Variants in RGS3 observed in about 807,000 individuals in gnomAD.
RGS3 encodes the protein regulator of G protein signaling 3.
In RGS3, 80 loss-of-function variants were observed where a neutral mutation model predicts 132.6. The ratio of observed to expected loss-of-function variants is 0.60; its 90% CI spans 0.50 to 0.73. The LOEUF is 0.73. Among genes scored for constraint, RGS3 ranks in the 30% least tolerant of loss-of-function variants. RGS3 has a pLI of 0.00. For synonymous variants in RGS3, 598 were observed against 620.6 expected, an observed-to-expected ratio of 0.96 and a Z score of 0.54; for missense variants, 1,382 against 1,530.8, an observed-to-expected ratio of 0.90 and a Z score of 1.62.
chr9:113,570,231 G>A (rs894218986), intron 19 of RGS3: 7 of 152,202 alleles, frequency 4.6e-5, no homozygotes, highest in African/African-American at 1.7e-4. Context: ...CAGTGGGAGT[G>A]CCACTAGCGC....
intron 17 of RGS3, among the ~76,000 whole-genome samples, chr9:113,523,615 G>A (rs1028378267): frequency 1.3e-5 from 2 of 152,138 alleles, no homozygotes; most frequent in African/African-American, 2.4e-5. Flanking sequence ...ATGTGGGAGC[G>A]TGGAGGGAAT....
chr9:113,445,871 G>A lies in RGS3; in HGVS notation c.-13+944G>A, dbSNP rs549186877. 2.6e-4 allele frequency among the ~76,000 whole-genome samples: 39 copies of A among 152,208 alleles called. No individual in the cohort carries two copies. In the South Asian group the frequency reaches 7.9e-3, roughly 31 times the overall value. On this transcript the variant is annotated intron_variant, in intron 1 of 25. Coordinates refer to the RGS3 transcript ENST00000374140. ...TTTTTGTATTTTTAGTAGAGACAGG[G>A]TTTCTCCATGTTGGGCAGGTTGGAC...
intron 1 of RGS3, among the ~76,000 whole-genome samples, chr9:113,452,666 T>C (rs1464892442): frequency 6.6e-6 from 1 of 151,594 alleles, no homozygotes; most frequent in Non-Finnish European, 1.5e-5. Context: ...CAGTTAATAA[T>C]ATGTGTCTAT....
chr9:113,591,389 C>T lies in RGS3; in HGVS notation c.3072C>T (p.Ser1024=). 1 of 1,613,514 alleles carries T rather than the reference C, an allele frequency of 6.2e-7. No homozygotes were observed. Among genetic ancestry groups the T allele is most frequent in the Non-Finnish European group, 8.5e-7 (1 of 1,179,838 alleles). ...ACGAAGCCTCCCGGAAGAGAAAGAG[C>T]AAAAACCTGTACGTTGGGAAGATCC... Residue 1024 remains serine, a synonymous_variant, in exon 21 of 25, where the codon AGC becomes AGT. Coordinates refer to ENST00000350696, the Ensembl canonical transcript of RGS3. This position sits in a 1 kb window ranked among gnomAD's most constrained non-coding sequence, Gnocchi z 4.4.
rs948666946 is a variant in RGS3, at chr9:113,463,733, T to C, written c.415+1532T>C. ...CTCGCGCTCCTCCCGCCCTGGAGAC[T>C]CCGGTTACTGGGGAGCAACACAGCC... On this transcript the variant is annotated intron_variant, in intron 3 of 24. Coordinates refer to ENST00000350696, the Ensembl canonical transcript of RGS3. This position sits in a 1 kb window ranked among gnomAD's most constrained non-coding sequence, Gnocchi z 4.6. 4.8e-5 allele frequency: 73 copies of C among 1,518,768 alleles called. No individual in the cohort carries two copies. The highest frequency in any genetic ancestry group is 5.9e-5 in the Non-Finnish European group (67 of 1,134,130). The allele number at this position is 1,518,768 out of a possible 1,614,324, so 94.1% of individuals were successfully genotyped here.
chr9:113,495,628 A>G (rs762912802), intron 7 of RGS3, among the ~76,000 whole-genome samples, 158 bp from the exon 6 acceptor site: 2 of 152,166 alleles, frequency 1.3e-5, no homozygotes, highest in Admixed American at 6.5e-5. Flanking sequence ...GCTCCTCTCT[A>G]TCCTGCCTCA....
chr9:113,507,324 A>G lies in RGS3; in HGVS notation c.1123A>G (p.Met375Val), dbSNP rs753820589. Residue 375 changes from methionine (M) to valine (V), a missense_variant, in exon 13 of 25, where the codon ATG becomes GTG. Coordinates refer to ENST00000350696, the Ensembl canonical transcript of RGS3. The surrounding 1 kb of genome is among the most constrained non-coding windows in gnomAD (Gnocchi z 5.0). ...TGAGATCATCCTACTCGTGTGGCGC[A>G]TGGTCCCCCAGGTCAAGCCAGGACC... 1.3e-5 allele frequency: 21 copies of G among 1,613,680 alleles called. No homozygotes were observed. The African/African-American group carries it at 1.6e-4, about 12-fold the overall frequency.
At chr9:113,452,278 C>T (rs1352252404) in intron 1 of RGS3, among the ~76,000 whole-genome samples, 1 of 152,158 alleles carries the variant, frequency 6.6e-6, no homozygotes, top group African/African-American at 2.4e-5. Flanking sequence ...GCTGGGATTA[C>T]AGGCATGAAC....
intron 16 of RGS3, among the ~76,000 whole-genome samples, chr9:113,519,056 T>C (rs1338878839): frequency 1.3e-5 from 2 of 152,214 alleles, no homozygotes; most frequent in East Asian, 3.8e-4. Context: ...TTGTGTATCC[T>C]CATTGTGTAT....
rs758331442 is a variant in RGS3, at chr9:113,497,264, T to C, written c.751-50T>C. 3.4e-6 allele frequency: 5 copies of C among 1,462,286 alleles called. No individual in the cohort carries two copies. In the South Asian group the frequency reaches 5.8e-5, roughly 17 times the overall value. The allele number at this position is 1,462,286 out of a possible 1,614,324, so 90.6% of individuals were successfully genotyped here. A position where few individuals can be genotyped will look rare whatever the true frequency, so the allele number is the denominator to read the frequency against. Reference sequence around the variant, plus strand: ...GAGGGGGATTGGTGGCTGCCTGACCTGTGCTTCTGCCTCCTGTGTCTGAGC... The same window carrying C: ...GAGGGGGATTGGTGGCTGCCTGACCCGTGCTTCTGCCTCCTGTGTCTGAGC... On this transcript the variant is annotated intron_variant, in intron 8 of 24. Coordinates refer to ENST00000350696, the Ensembl canonical transcript of RGS3.
intron 19 of RGS3, among the ~76,000 whole-genome samples, chr9:113,578,380 T>C (rs1225586213): frequency 2.0e-5 from 3 of 152,224 alleles, no homozygotes; most frequent in Admixed American, 6.5e-5. Flanking sequence ...TCCTATGTTA[T>C]GGCTAAGGAA....
intron 19 of RGS3, among the ~76,000 whole-genome samples, chr9:113,576,863 G>A (rs1449030766): frequency 2.0e-5 from 3 of 152,252 alleles, no homozygotes; most frequent in South Asian, 4.1e-4. Context: ...GGTCTGCACC[G>A]CCACTGTGAG....
chr9:113,572,855 C>T (rs571127922), intron 19 of RGS3, among the ~76,000 whole-genome samples: 336 of 152,370 alleles, frequency 2.2e-3, no homozygotes, highest in African/African-American at 7.8e-3. Flanking sequence ...TCTGCCTTCT[C>T]AGCTTCCAAG....
chr9:113,513,649 G>A (rs1428090343), intron 14 of RGS3, among the ~76,000 whole-genome samples: 1 of 152,200 alleles, frequency 6.6e-6, no homozygotes, highest in Non-Finnish European at 1.5e-5. Context: ...TTACAGTTGA[G>A]GAAATCAAGA....
intron 16 of RGS3, 48 bp from the exon 15 acceptor site, chr9:113,522,882 C>T: frequency 9.3e-6 from 12 of 1,285,490 alleles, no homozygotes; most frequent in Non-Finnish European, 1.2e-5. Context: ...CTCTCAGCCT[C>T]CAGAGGACAG....
intron 3 of RGS3, among the ~76,000 whole-genome samples, chr9:113,472,137 G>A (rs1003110973): frequency 1.3e-5 from 2 of 152,108 alleles, no homozygotes; most frequent in African/African-American, 4.8e-5. Flanking sequence ...AGAAGTTGAG[G>A]GGAAATTGGA....
chr9:113,524,245 C>T (rs1307771337), intron 17 of RGS3, among the ~76,000 whole-genome samples: 2 of 152,172 alleles, frequency 1.3e-5, no homozygotes, highest in Non-Finnish European at 2.9e-5. Context: ...ACCCAGCTTC[C>T]CATATGCCCA....
intron 3 of RGS3, among the ~76,000 whole-genome samples, chr9:113,464,894 T>C (rs1436192765): frequency 6.6e-6 from 1 of 152,190 alleles, no homozygotes; most frequent in Non-Finnish European, 1.5e-5. Flanking sequence ...GCTCAACATA[T>C]TTGGTTTTCC....
chr9:113,527,439 C>A (rs557100909), intron 17 of RGS3, among the ~76,000 whole-genome samples: 1 of 152,346 alleles, frequency 6.6e-6, no homozygotes. Flanking sequence ...ACCACCTCCT[C>A]TTGTCTCCAC....
Sources: gnomAD v4.1 joint callset for allele counts (sites outside exome capture counted in the v4.1 genomes callset) on GRCh38, gnomAD v4.1.1 for gene constraint, Gnocchi (gnomAD v3.1) non-coding constraint, MANE v1.5 for transcripts, NCBI Gene and HGNC (gene_info 2026-07-23, HGNC 2026-07-21) for gene names.